Variants in KPNA6 observed in about 807,000 individuals in gnomAD.
KPNA6 encodes the protein karyopherin subunit alpha 6.
KPNA6 carries 9 observed loss-of-function variants against 72.0 expected under a neutral mutation model. That is an observed-to-expected ratio of 0.13 (90% CI 0.08 to 0.22). KPNA6 has a LOEUF of 0.22. Among genes scored for constraint, KPNA6 ranks in the 10% least tolerant of loss-of-function variants. The pLI, the probability that KPNA6 is intolerant of heterozygous loss-of-function variation, is 1.00. For missense variants in KPNA6, 374 were observed against 655.7 expected (o/e 0.57, Z 4.69); for synonymous variants, 219 against 242.1 (o/e 0.90, Z 0.89).
chr1:32,154,802 T>A, intron 2 of KPNA6, 81 bp downstream of exon 2: 1 of 1,482,916 alleles, frequency 6.7e-7, no homozygotes, highest in African/African-American at 1.4e-5. Flanking sequence ...CACCCTGACT[T>A]GCCCTGTAGA....
chr1:32,121,273 A>G (rs909354599), intron 1 of KPNA6, among the ~76,000 whole-genome samples: 3 of 152,192 alleles, frequency 2.0e-5, no homozygotes, highest in African/African-American at 7.2e-5. Flanking sequence ...AATTTGAATC[A>G]TCAGGACTTG....
chr1:32,162,449 T>A lies in KPNA6; in HGVS notation c.836T>A (p.Leu279Gln). ...LADACWALSY[L>Q]SDGPNEKIQA... ...GATGCTTGCTGGGCCCTTTCTTATC[T>A]GTCTGATGGCCCCAATGAGAAGATC... Residue 279 changes from leucine to glutamine, a missense_variant, in exon 9 of 14, where the codon CTG (leucine) becomes CAG (glutamine). Physicochemically the swap from Leu to Gln is moderately radical, Grantham distance 113 (BLOSUM62 -2). Coordinates refer to ENST00000373625, the MANE Select transcript of KPNA6 (RefSeq NM_012316.5). The A allele has an allele frequency of 6.2e-7, 1 of 1,614,110 alleles. No homozygotes were observed. The highest frequency in any genetic ancestry group is 8.5e-7 in the Non-Finnish European group (1 of 1,180,010).
rs778518453 is a variant in KPNA6, at chr1:32,154,619, T to C, written c.36T>C (p.Tyr12=). 1.7e-5 allele frequency: 28 copies of C among 1,613,640 alleles called. No homozygotes were observed. Among genetic ancestry groups the C allele is most frequent in the Non-Finnish European group, 2.3e-5 (27 of 1,179,896 alleles). ...ETMASPGKDN[Y]RMKSYKNNAL... ...TGGCGAGCCCAGGGAAAGACAATTA[T>C]CGAATGAAGAGCTATAAGAACAATG... is the stretch of plus-strand genomic sequence containing the variant. The change falls in exon 2 of 14, where the codon TAT becomes TAC. Residue 12 remains tyrosine (Y), a synonymous_variant. Coordinates refer to ENST00000373625, the MANE Select transcript of KPNA6 (RefSeq NM_012316.5).
intron 1 of KPNA6, among the ~76,000 whole-genome samples, chr1:32,124,507 CTTTTT>C (rs562731872): frequency 7.6e-6 from 1 of 131,596 alleles, no homozygotes. Flanking sequence ...GAGGCCTCAT[CTTTTT>C]TTTTTTTTTT....
chr1:32,117,469 G>C (rs1461999571), intron 1 of KPNA6, among the ~76,000 whole-genome samples: 1 of 149,590 alleles, frequency 6.7e-6, no homozygotes, highest in African/African-American at 2.4e-5. Context: ...ACTGCGCCCG[G>C]CCCAATTTGT....
At position 32,154,703 on chromosome 1, in the gene KPNA6, G is replaced by T. The variant is rs1271767994; in HGVS notation, c.120G>T (p.Lys40Asn). ...AGGAAGAGGGCATTCAGCTCCGGAA[G>T]CAGAAGCGAGAGCAACAAGTGAGTT... is the stretch of plus-strand genomic sequence containing the variant. ...RREEEGIQLR[K>N]QKREQQLFKR... Residue 40 changes from lysine to asparagine, a missense_variant, in exon 2 of 14, where the codon AAG becomes AAT. By Grantham distance (94) the Lys-to-Asn change is moderately conservative. This residue lies in a region of KPNA6 where 298 missense variants were observed against 495.4 expected (regional missense o/e 0.60). Coordinates refer to ENST00000373625, the MANE Select transcript of KPNA6 (RefSeq NM_012316.5). 6.2e-7 allele frequency: 1 copy of T among 1,614,080 alleles called. No individual in the cohort carries two copies. The highest frequency in any genetic ancestry group is 1.1e-5 in the South Asian group (1 of 91,082).
rs764724385 is a variant in KPNA6 at position 32,156,935 on chromosome 1, C to G, written c.221C>G (p.Ser74Cys). The G allele has an allele frequency of 6.2e-7, 1 of 1,613,448 alleles. No homozygotes were observed. Among genetic ancestry groups the G allele is most frequent in the African/African-American group, 1.3e-5 (1 of 75,042 alleles). The change falls in exon 3 of 14, where the codon TCT becomes TGT. Residue 74 changes from serine (S) to cysteine (C), a missense_variant. Ser to Cys is a moderately radical substitution (Grantham distance 112). Coordinates refer to ENST00000373625, the MANE Select transcript of KPNA6 (RefSeq NM_012316.5). ...CTTCTCATGGACTCTTATGTGAGCT[C>G]TACCACTGGGGTAAGGCCCCTGCAT... ...DSLLMDSYVS[S>C]TTGESVITRE...
intron 1 of KPNA6, among the ~76,000 whole-genome samples, chr1:32,109,801 C>T (rs1641214061): frequency 1.3e-5 from 2 of 151,716 alleles, no homozygotes; most frequent in Non-Finnish European, 1.5e-5. Context: ...CCCGCCACCA[C>T]GCCTGGATAA....
intron 1 of KPNA6, among the ~76,000 whole-genome samples, chr1:32,139,341 G>T (rs1453119586): frequency 6.6e-6 from 1 of 152,130 alleles, no homozygotes; most frequent in African/African-American, 2.4e-5. Context: ...AATTCCAAGA[G>T]CTAAGGAAAA....
At chr1:32,130,535 C>T (rs1183788136) in intron 1 of KPNA6, among the ~76,000 whole-genome samples, 1 of 152,084 alleles carries the variant, frequency 6.6e-6, no homozygotes, top group Non-Finnish European at 1.5e-5. Context: ...CCTGTAATCC[C>T]AGCACTTTGG....
chr1:32,111,308 A>T (rs1641240097), intron 1 of KPNA6, among the ~76,000 whole-genome samples: 2 of 152,204 alleles, frequency 1.3e-5, no homozygotes, highest in African/African-American at 2.4e-5. Flanking sequence ...GCAGCACATA[A>T]ATCTATAAGA....
intron 5 of KPNA6, 48 bp downstream of exon 5, chr1:32,158,409 G>C (rs751704606): frequency 8.7e-7 from 1 of 1,149,830 alleles, no homozygotes; most frequent in South Asian, 1.3e-5. Flanking sequence ...ATTTTTGGGG[G>C]ATACATAGTA....
chr1:32,143,184 C>T (rs1013782336), intron 1 of KPNA6, among the ~76,000 whole-genome samples: 1 of 152,168 alleles, frequency 6.6e-6, no homozygotes, highest in Non-Finnish European at 1.5e-5. Flanking sequence ...CTGCCTCAGC[C>T]TCCCAAGTAG....
intron 11 of KPNA6, 42 bp from the exon 12 acceptor site, chr1:32,167,127 T>A: frequency 6.2e-7 from 1 of 1,603,780 alleles, no homozygotes; most frequent in Admixed American, 1.7e-5. Context: ...CATGCTGAAA[T>A]GACTTTCTCC....
intron 7 of KPNA6, among the ~76,000 whole-genome samples, chr1:32,161,337 T>C (rs1241108015): frequency 6.6e-6 from 1 of 152,032 alleles, no homozygotes; most frequent in Non-Finnish European, 1.5e-5. Flanking sequence ...TGTTATGGGG[T>C]TTTGCATACA....
At chr1:32,129,187 AG>A (rs1271087773) in intron 1 of KPNA6, among the ~76,000 whole-genome samples, 3 of 138,894 alleles carry the variant, frequency 2.2e-5, no homozygotes, top group African/African-American at 8.2e-5. Context: ...TTTTTGAGAC[AG>A]GCTCTAGCTC....
intron 11 of KPNA6, among the ~76,000 whole-genome samples, chr1:32,166,619 C>T (rs1342780005): frequency 1.9e-3 from 167 of 89,038 alleles, no homozygotes; most frequent in African/African-American, 6.4e-3. Context: ...AGCGAGACTC[C>T]GTCTCAAAAA....
intron 1 of KPNA6, among the ~76,000 whole-genome samples, chr1:32,108,740 T>C (rs1641192364): frequency 6.6e-6 from 1 of 152,196 alleles, no homozygotes; most frequent in Non-Finnish European, 1.5e-5. Context: ...GTGGCATCGC[T>C]TGTGATGGTA....
intron 1 of KPNA6, among the ~76,000 whole-genome samples, chr1:32,141,375 CTTTTTTTTTTTTTTTTTTTTTTTTTTTTT>C (rs71006334): frequency 1.8e-5 from 1 of 54,454 alleles, no homozygotes; most frequent in African/African-American, 6.6e-5. Flanking sequence ...TAAGTTAATC[CTTTTTTTTTTTTTTTTTTTTTTTTTTTTT>C]TTTTTTTTTT....
Sources: gnomAD v4.1 joint callset for allele counts (sites outside exome capture counted in the v4.1 genomes callset) on GRCh38, gnomAD v4.1.1 for gene constraint, gnomAD v4.1.1 regional missense constraint, MANE v1.5 for transcripts, NCBI Gene and HGNC (gene_info 2026-07-23, HGNC 2026-07-21) for gene names.